CENPQ: variants seen among roughly 807,000 people sequenced by gnomAD.
CENPQ encodes the protein centromere protein Q, also known as chromosome 6 open reading frame 139.
A neutral mutation model predicts 36.6 loss-of-function variants in CENPQ; 27 were observed. The observed-to-expected ratio is 0.74, with a 90% confidence interval of 0.54 to 1.02. The LOEUF (loss-of-function observed/expected upper bound fraction) is 1.02. Among genes scored for constraint, CENPQ ranks in the 50% least tolerant of loss-of-function variants. The pLI is 0.00. For synonymous variants in CENPQ, 101 were observed against 101.7 expected (o/e 0.99, Z 0.04); for missense variants, 306 against 301.8 (o/e 1.01, Z -0.10).
At chr6:49,489,220 A>C (rs1415613103) in intron 8 of CENPQ, among the ~76,000 whole-genome samples, 3 of 152,226 alleles carry the variant, frequency 2.0e-5, no homozygotes, top group African/African-American at 7.2e-5. Context: ...TTTGTCAGCT[A>C]AGTTTTTGTC....
chr6:49,488,595 C>T lies in CENPQ; in HGVS notation c.598-12C>T. 6.2e-7 allele frequency: 1 copy of T among 1,610,344 alleles called. No homozygotes were observed. The highest frequency in any genetic ancestry group is 8.5e-7 in the Non-Finnish European group (1 of 1,176,966). ...GCTTTTTGAAATAATCTGTAGCTTT[C>T]TTCTACTTTAGATGCATCAAATAAA... On this transcript the variant is annotated splice_polypyrimidine_tract_variant and intron_variant, in intron 7 of 8. Coordinates refer to ENST00000335783, the MANE Select transcript of CENPQ (RefSeq NM_018132.4).
Position 49,485,131 on chromosome 6 carries a change from T to C in CENPQ, c.478-3221T>C, listed in dbSNP as rs140814629. The stretch of plus-strand genomic sequence containing the variant: ...TTCTCCATTGGCATAAGAAGATCTT[T>C]GGACTAGCAGCTTGTAAACTCTATC... On this transcript the variant is annotated intron_variant, in intron 6 of 8. Coordinates refer to ENST00000335783, the MANE Select transcript of CENPQ (RefSeq NM_018132.4). Among the ~76,000 whole-genome samples the C allele has an allele frequency of 1.2e-4, 18 of 152,362 alleles. No individual in the cohort carries two copies. In the East Asian group the frequency reaches 3.5e-3, roughly 29 times the overall value.
chr6:49,474,138 T>A (rs190997840), intron 5 of CENPQ, among the ~76,000 whole-genome samples: 1 of 152,010 alleles, frequency 6.6e-6, no homozygotes, highest in African/African-American at 2.4e-5. Context: ...GGATATACAG[T>A]AATTGAACTC....
chr6:49,487,168 A>ATGGTCCTGAGTTG lies in CENPQ; in HGVS notation c.478-1184_478-1183insTGGTCCTGAGTTG, dbSNP rs1561970335. Among the ~76,000 whole-genome samples the ATGGTCCTGAGTTG allele has an allele frequency of 8.3e-5, 6 of 72,352 alleles. 2 individuals are homozygous for ATGGTCCTGAGTTG. The highest frequency in any genetic ancestry group is 0.015 in the Middle Eastern group (2 of 134). 47.5% of individuals were successfully genotyped at this position (72,352 alleles called of 152,430 possible). ...AACTCCATCTCAAAAAAAAAAAAAA[A>ATGGTCCTGAGTTG]ATAAAAAAAATAAAAACAGAGTCTG... On this transcript the variant is annotated intron_variant, in intron 6 of 8. Coordinates refer to ENST00000335783, the MANE Select transcript of CENPQ (RefSeq NM_018132.4).
Position 49,470,250 on chromosome 6 carries a change from A to G in CENPQ, c.74A>G (p.Asn25Ser), listed in dbSNP as rs1467879164. The G allele has an allele frequency of 5.0e-6, 8 of 1,605,278 alleles. No homozygotes were observed. The highest frequency in any genetic ancestry group is 6.8e-6 in the Non-Finnish European group (8 of 1,173,834). ...AGAAATCCAAAGAGAAAAAAGGATA[A>G]TGAGGAAGTTGTGTTGTCAGAGAAT... is the stretch of plus-strand genomic sequence containing the variant. ...LKRNPKRKKD[N>S]EEVVLSENKV... The change falls in exon 2 of 9, where the codon AAT (asparagine) becomes AGT (serine). Residue 25 changes from asparagine (N) to serine (S), a missense_variant. Physicochemically the swap from Asn to Ser is conservative, Grantham distance 46. Coordinates refer to ENST00000335783, the MANE Select transcript of CENPQ (RefSeq NM_018132.4).
chr6:49,471,860 A>C (rs977686746), intron 3 of CENPQ, among the ~76,000 whole-genome samples: 1 of 152,212 alleles, frequency 6.6e-6, no homozygotes, highest in African/African-American at 2.4e-5. Context: ...ATTTCTGTTA[A>C]CTTATCAATA....
At position 49,470,140 on chromosome 6, in the gene CENPQ, A is replaced by ATTTT; in HGVS notation, c.-18-9_-18-6dup. The ATTTT allele has an allele frequency of 4.2e-6, 4 of 947,456 alleles. No individual in the cohort carries two copies. Among genetic ancestry groups the ATTTT allele is most frequent in the Non-Finnish European group, 6.2e-6 (4 of 643,332 alleles). The allele number at this position is 947,456 out of a possible 1,614,324, so 58.7% of individuals were successfully genotyped here. A position where few individuals can be genotyped will look rare whatever the true frequency, so the allele number is the denominator to read the frequency against. ...TTTTGTATTATTTTCATCTTTACAG[A>ATTTT]TTTTTTTTTTTTTCGAAGCACTGTG... On this transcript the variant is annotated intron_variant, in intron 1 of 8. Coordinates refer to ENST00000335783, the MANE Select transcript of CENPQ (RefSeq NM_018132.4).
intron 1 of CENPQ, among the ~76,000 whole-genome samples, 177 bp from the exon 2 acceptor site, chr6:49,469,982 A>T (rs1768087609): frequency 6.6e-6 from 1 of 151,984 alleles, no homozygotes; most frequent in African/African-American, 2.4e-5. Context: ...CTTTTAAAAA[A>T]TGCTTGTTTA....
intron 6 of CENPQ, among the ~76,000 whole-genome samples, chr6:49,488,051 A>G (rs1768631609): frequency 6.6e-6 from 1 of 152,206 alleles, no homozygotes; most frequent in Non-Finnish European, 1.5e-5. Context: ...TGCTAGATTT[A>G]CACTTGGATC....
intron 8 of CENPQ, among the ~76,000 whole-genome samples, chr6:49,489,124 T>G (rs1768661125): frequency 6.6e-6 from 1 of 152,216 alleles, no homozygotes; most frequent in Non-Finnish European, 1.5e-5. Context: ...GTTTTCCCTG[T>G]AGCATGTGAT....
intron 6 of CENPQ, among the ~76,000 whole-genome samples, chr6:49,484,479 G>A (rs1484184783): frequency 6.6e-6 from 1 of 152,178 alleles, no homozygotes; most frequent in Non-Finnish European, 1.5e-5. Flanking sequence ...GAGCTTATTA[G>A]ATAATTATAA....
chr6:49,478,100 T>G (rs1431721871), intron 5 of CENPQ, among the ~76,000 whole-genome samples: 2 of 152,208 alleles, frequency 1.3e-5, no homozygotes, highest in African/African-American at 4.8e-5. Context: ...CAGCTTGCTT[T>G]CTTTAGTTCC....
chr6:49,473,471 G>A (rs1040030830), intron 5 of CENPQ, among the ~76,000 whole-genome samples: 3 of 152,148 alleles, frequency 2.0e-5, no homozygotes, highest in East Asian at 3.9e-4. Context: ...AGCAAATGCT[G>A]AGAGATTTTG....
At chr6:49,484,508 C>A (rs75063965) in intron 6 of CENPQ, among the ~76,000 whole-genome samples, 2 of 152,260 alleles carry the variant, frequency 1.3e-5, no homozygotes, top group African/African-American at 4.8e-5. Context: ...ACATATGGGA[C>A]CGTATCTCTT....
intron 1 of CENPQ, among the ~76,000 whole-genome samples, chr6:49,468,108 G>T (rs1011594237): frequency 6.6e-6 from 1 of 152,140 alleles, no homozygotes; most frequent in Non-Finnish European, 1.5e-5. Flanking sequence ...CAAAATTTGG[G>T]ATTGGGAGGG....
intron 6 of CENPQ, among the ~76,000 whole-genome samples, chr6:49,481,358 G>A (rs1288460526): frequency 5.9e-5 from 9 of 152,008 alleles, no homozygotes; most frequent in South Asian, 2.1e-4. Context: ...ATGAAGCTGC[G>A]GACCCTCGTG....
At chr6:49,483,315 G>T (rs1347308149) in intron 6 of CENPQ, among the ~76,000 whole-genome samples, 1 of 152,166 alleles carries the variant, frequency 6.6e-6, no homozygotes, top group Non-Finnish European at 1.5e-5. Context: ...AGACATAAAG[G>T]TTCTCCAAGT....
At chr6:49,468,011 T>C (rs992525027) in intron 1 of CENPQ, among the ~76,000 whole-genome samples, 2 of 152,030 alleles carry the variant, frequency 1.3e-5, no homozygotes, top group Non-Finnish European at 2.9e-5. Flanking sequence ...CAGAGTTAGG[T>C]TGGTAAGGAC....
intron 1 of CENPQ, among the ~76,000 whole-genome samples, chr6:49,469,871 G>T (rs963967121): frequency 1.3e-5 from 2 of 151,922 alleles, no homozygotes; most frequent in Non-Finnish European, 2.9e-5. Flanking sequence ...AGATACAAAA[G>T]CATTTTTAAA....
Sources: gnomAD v4.1 joint callset for allele counts (sites outside exome capture counted in the v4.1 genomes callset) on GRCh38, gnomAD v4.1.1 for gene constraint, MANE v1.5 for transcripts, NCBI Gene and HGNC (gene_info 2026-07-23, HGNC 2026-07-21) for gene names.